Variants in FOXP1 observed in about 807,000 individuals in gnomAD.
FOXP1 encodes forkhead box P1, also known as forkhead box protein P1.
A neutral mutation model predicts 98.2 loss-of-function variants in FOXP1; 15 were observed. The observed-to-expected ratio is 0.15, with a 90% CI of 0.10 to 0.24. FOXP1 has a LOEUF of 0.24. Among genes scored for constraint, FOXP1 ranks in the 10% least tolerant of loss-of-function variants. FOXP1 has a pLI of 1.00. For synonymous variants in FOXP1, 371 were observed against 314.5 expected, an observed-to-expected ratio of 1.18 and a Z score of -1.90; for missense variants, 633 against 848.5, an observed-to-expected ratio of 0.75 and a Z score of 3.15.
At chr3:71,171,876 C>T (rs1236773943) in intron 6 of FOXP1, among the ~76,000 whole-genome samples, 3 of 152,208 alleles carry the variant, frequency 2.0e-5, no homozygotes, top group African/African-American at 7.2e-5. Flanking sequence ...GGGACCGGCT[C>T]TTCATTTACA....
intron 8 of FOXP1, 120 bp from the exon 9 acceptor site, chr3:71,052,746 C>T (rs888427885): frequency 4.1e-6 from 3 of 726,404 alleles, no homozygotes; most frequent in Non-Finnish European, 5.1e-6. Context: ...ATGGCCTGAC[C>T]TTTAGTTTGA....
chr3:70,968,339 C>T (rs1263019504), intron 19 of FOXP1: 1 of 150,444 alleles, frequency 6.6e-6, no homozygotes, highest in East Asian at 2.0e-4. Context: ...TAAATTTTCA[C>T]TAACTGCTTC....
intron 7 of FOXP1, among the ~76,000 whole-genome samples, chr3:71,103,958 C>CG (rs2057207007): frequency 6.6e-6 from 1 of 151,510 alleles, no homozygotes; most frequent in Non-Finnish European, 1.5e-5. Flanking sequence ...TGTTCCCCCC[C>CG]CAAAAAAAGA....
intron 5 of FOXP1, among the ~76,000 whole-genome samples, chr3:71,239,044 A>G (rs2067032979): frequency 6.6e-6 from 1 of 152,180 alleles, no homozygotes; most frequent in Non-Finnish European, 1.5e-5. Flanking sequence ...AATTCAGATA[A>G]ACATTCCTTG....
At chr3:70,990,561 A>G (rs558593581) in intron 13 of FOXP1, among the ~76,000 whole-genome samples, 10 of 152,344 alleles carry the variant, frequency 6.6e-5, no homozygotes, top group African/African-American at 2.4e-4. Context: ...CTCTTAAACT[A>G]TGAATTCCAT....
rs375636484 is a variant in FOXP1 at position 71,199,455 on chromosome 3, G to A, written c.-11-1063C>T. On this transcript the variant is annotated intron_variant, in intron 5 of 20. Transcript: ENST00000649528. Reference sequence around the variant, plus strand: ...AAAAAATATATATAGGCCTGGGGGCGGTGGCTCACACCTGTAATCCCAGCA... The same window carrying A: ...AAAAAATATATATAGGCCTGGGGGCAGTGGCTCACACCTGTAATCCCAGCA... Among the ~76,000 whole-genome samples the A allele has an allele frequency of 1.2e-4, 19 of 152,130 alleles. No homozygotes were observed. The East Asian group carries it at 1.6e-3, about 12-fold the overall frequency.
At chr3:71,229,395 C>T (rs757146595) in intron 5 of FOXP1, among the ~76,000 whole-genome samples, 2 of 152,054 alleles carry the variant, frequency 1.3e-5, no homozygotes, top group Non-Finnish European at 2.9e-5. Flanking sequence ...TTCCTGACCT[C>T]ATTATAAAAC....
intron 2 of FOXP1, among the ~76,000 whole-genome samples, chr3:71,525,573 G>A (rs1474347494): frequency 3.9e-5 from 6 of 152,286 alleles, no homozygotes; most frequent in Non-Finnish European, 7.4e-5. Context: ...CACCCTGAAC[G>A]AAGGTCTGCA....
chr3:71,154,096 C>CTTT (rs142389444), intron 6 of FOXP1, among the ~76,000 whole-genome samples: 30 of 150,128 alleles, frequency 2.0e-4, no homozygotes, highest in Middle Eastern at 3.4e-3. Flanking sequence ...TCTTCTTCTT[C>CTTT]TTTTTTTTTG....
intron 6 of FOXP1, among the ~76,000 whole-genome samples, chr3:71,163,819 T>A (rs1456109961): frequency 2.0e-5 from 3 of 152,008 alleles, no homozygotes; most frequent in African/African-American, 7.3e-5. Flanking sequence ...GTCCCACAGT[T>A]TAGAGCGGTA....
In FOXP1 at chr3:71,171,201, G is replaced by A. The variant is rs568784579; in HGVS notation, c.180+27001C>T. Reference sequence around the variant, plus strand: ...TTATACAGGGTAAAAAGTTGGCATCGTGAGGGTTAAAGCTATTTGAGGGGT... The same window carrying A: ...TTATACAGGGTAAAAAGTTGGCATCATGAGGGTTAAAGCTATTTGAGGGGT... On this transcript the variant is annotated intron_variant, in intron 6 of 20. Transcript: ENST00000649528. Among the ~76,000 whole-genome samples, 57 of 151,544 alleles carry A rather than the reference G, an allele frequency of 3.8e-4. No homozygotes were observed. The South Asian group carries it at 9.4e-3, about 25-fold the overall frequency.
intron 2 of FOXP1, among the ~76,000 whole-genome samples, chr3:71,519,774 T>C (rs1258085159): frequency 2.6e-5 from 4 of 152,112 alleles, no homozygotes; most frequent in Non-Finnish European, 4.4e-5. Context: ...AATGACAAAC[T>C]GTTGTCTGCT....
Position 70,977,917 on chromosome 3 carries a change from C to T in FOXP1, c.1259G>A (p.Gly420Asp). ...PTAPLTPVTQ[G>D]PSVITTTSMH... Reference sequence around the variant, plus strand: ...GCTGGTGGTTGTGATGACAGAGGGGCCTTGGGTGACGGGAGTCAGGGGGGC... The same window carrying T: ...GCTGGTGGTTGTGATGACAGAGGGGTCTTGGGTGACGGGAGTCAGGGGGGC... Residue 420 changes from glycine (G) to aspartate (D), a missense_variant, in exon 15 of 21, where the codon GGC becomes GAC. Coordinates refer to ENST00000649528, the MANE Select transcript of FOXP1 (RefSeq NM_001349338.3). 6.8e-6 allele frequency: 11 copies of T among 1,614,032 alleles called. No individual in the cohort carries two copies. Among genetic ancestry groups the T allele is most frequent in the South Asian group, 1.1e-5 (1 of 91,060 alleles).
intron 11 of FOXP1, among the ~76,000 whole-genome samples, chr3:71,017,254 C>T (rs911683541): frequency 2.0e-5 from 3 of 151,592 alleles, no homozygotes; most frequent in Admixed American, 6.6e-5. Flanking sequence ...AATAGAAATG[C>T]AAAAATAGAA....
chr3:71,380,919 T>C (rs1413223844), intron 3 of FOXP1, among the ~76,000 whole-genome samples: 1 of 152,124 alleles, frequency 6.6e-6, no homozygotes, highest in Non-Finnish European at 1.5e-5. Flanking sequence ...TTCCATATGA[T>C]TAATGTTTTT....
chr3:70,995,962 G>A (rs374620967), intron 13 of FOXP1, among the ~76,000 whole-genome samples: 3 of 152,228 alleles, frequency 2.0e-5, no homozygotes, highest in African/African-American at 7.2e-5. Flanking sequence ...CTGTGGTTTC[G>A]TAAATCAAGT....
intron 5 of FOXP1, among the ~76,000 whole-genome samples, chr3:71,204,578 T>C (rs1398752546): frequency 2.6e-5 from 4 of 152,108 alleles, no homozygotes; most frequent in Non-Finnish European, 4.4e-5. Context: ...TTTACACTGC[T>C]CACCCGTCAC....
chr3:71,398,560 C>T (rs1485264133), intron 3 of FOXP1, among the ~76,000 whole-genome samples: 1 of 152,172 alleles, frequency 6.6e-6, no homozygotes, highest in Non-Finnish European at 1.5e-5. Flanking sequence ...ATTTGTCATG[C>T]TTCCAGAAGC....
chr3:71,429,187 AT>A (rs2084448874), intron 3 of FOXP1, among the ~76,000 whole-genome samples: 1 of 152,048 alleles, frequency 6.6e-6, no homozygotes, highest in African/African-American at 2.4e-5. Flanking sequence ...AACCTCGCCC[AT>A]GGGTGGGGGC....
Sources: allele counts gnomAD v4.1 joint callset (sites outside exome capture counted in the v4.1 genomes callset), GRCh38; gene constraint gnomAD v4.1.1; transcripts MANE v1.5; gene names NCBI Gene and HGNC (gene_info 2026-07-23, HGNC 2026-07-21).